CHD9: variants seen among roughly 807,000 people sequenced by gnomAD.
CHD9 encodes chromodomain helicase DNA binding protein 9.
CHD9 carries 77 observed loss-of-function variants against 316.1 expected under a neutral mutation model. The observed-to-expected ratio is 0.24, with a 90% CI of 0.20 to 0.29. The LOEUF (loss-of-function observed/expected upper bound fraction) is 0.29, where lower values mean the gene tolerates loss of function less well. Ranked by LOEUF, CHD9 falls within the 10% of genes least tolerant of loss-of-function variation. CHD9 has a pLI of 1.00. For synonymous variants in CHD9, 1,129 were observed against 1,158.3 expected (o/e 0.97, Z 0.51); for missense variants, 2,763 against 3,438.1 (o/e 0.80, Z 4.91).
intron 19 of CHD9, among the ~76,000 whole-genome samples, chr16:53,261,826 A>G (rs1296107887): frequency 1.3e-5 from 2 of 152,214 alleles, no homozygotes; most frequent in Non-Finnish European, 2.9e-5. Context: ...ATGTTTCCAT[A>G]TGTATCATTA....
In CHD9 at chr16:53,296,993, G is replaced by A. The variant is rs997572252; in HGVS notation, c.5548G>A (p.Val1850Ile). 3.1e-6 allele frequency: 5 copies of A among 1,612,500 alleles called. No homozygotes were observed. Among genetic ancestry groups the A allele is most frequent in the African/African-American group, 1.3e-5 (1 of 74,818 alleles). Residue 1850 changes from valine (V) to isoleucine (I), a missense_variant, in exon 30 of 39, where the codon GTA (valine) becomes ATA (isoleucine). By Grantham distance (29) the Val-to-Ile change is conservative (BLOSUM62 3). This residue lies in a region of CHD9 where 183 missense variants were observed against 258.5 expected (regional missense o/e 0.71). Transcript: ENST00000447540. ...AGAAGAAGCTGACTTTTATAGGGTT[G>A]TATCTACATTTGGAGTGGTTTTTGA... ...RREEADFYRV[V>I]STFGVVFDPD...
rs569078312 is a variant in CHD9, at chr16:53,082,560, C to T, written c.-165+27483C>T. 5.4e-4 allele frequency among the ~76,000 whole-genome samples: 82 copies of T among 152,196 alleles called. 1 individual carries two copies. Among genetic ancestry groups the T allele is most frequent in the East Asian group, 9.7e-4 (5 of 5,168 alleles). On this transcript the variant is annotated intron_variant, in intron 1 of 38. Coordinates refer to ENST00000447540, the MANE Select transcript of CHD9 (RefSeq NM_001308319.2). ...CCAGCCTATTTTAAATGCTTTTAAC[C>T]GATTGGTTTAAATTTGAGAACAAAG...
chr16:53,130,377 C>T (rs2039169071), intron 1 of CHD9, among the ~76,000 whole-genome samples: 1 of 152,178 alleles, frequency 6.6e-6, no homozygotes, highest in South Asian at 2.1e-4. Flanking sequence ...ACCCGAGCTG[C>T]CCGAGAGATG....
At chr16:53,065,638 TAA>T (rs68025976) in intron 1 of CHD9, among the ~76,000 whole-genome samples, 33 of 103,384 alleles carry the variant, frequency 3.2e-4, no homozygotes, top group Admixed American at 5.6e-4. Context: ...TGTCTTAAAT[TAA>T]AAAAAAAAAA....
intron 3 of CHD9, among the ~76,000 whole-genome samples, chr16:53,218,618 A>G (rs1027083923): frequency 2.6e-5 from 4 of 152,210 alleles, no homozygotes; most frequent in Admixed American, 2.0e-4. Context: ...AAAAATTTAA[A>G]TATCTCCGCC....
intron 1 of CHD9, among the ~76,000 whole-genome samples, chr16:53,120,078 A>T (rs1306445274): frequency 1.3e-5 from 2 of 150,706 alleles, no homozygotes; most frequent in African/African-American, 4.9e-5. Flanking sequence ...AAAAAAAATT[A>T]AAAAATTAGC....
intron 37 of CHD9, among the ~76,000 whole-genome samples, chr16:53,320,453 C>T (rs1286340722): frequency 3.3e-5 from 5 of 152,096 alleles, no homozygotes; most frequent in Admixed American, 2.6e-4. Context: ...ACTTGAAAGT[C>T]GGAAGTTGCA....
rs1567374423 is a variant in CHD9, at chr16:53,146,438, A to ATATATATATATATATATATATATAT, written c.-164-9487_-164-9486insATATATATATATATATATATATATT. ...GTGTATGTATATATATATATATATA[A>ATATATATATATATATATATATATAT]TTAAAAAGTTCCAGAGATTGGTGCA... On this transcript the variant is annotated intron_variant, in intron 1 of 38. Coordinates refer to ENST00000447540, the MANE Select transcript of CHD9 (RefSeq NM_001308319.2). Among the ~76,000 whole-genome samples the ATATATATATATATATATATATATAT allele has an allele frequency of 1.9e-3, 88 of 46,352 alleles. 4 individuals are homozygous for ATATATATATATATATATATATATAT. The highest frequency in any genetic ancestry group is 7.5e-3 in the African/African-American group (82 of 10,868). The allele number at this position is 46,352 out of a possible 152,430, so 30.4% of individuals were successfully genotyped here.
chr16:53,121,156 T>C, intron 1 of CHD9: 2 of 303,940 alleles, frequency 6.6e-6, no homozygotes, highest in South Asian at 3.0e-5. Context: ...CAGAGGACCA[T>C]ATCTATCTTG....
intron 2 of CHD9, among the ~76,000 whole-genome samples, chr16:53,201,835 T>C (rs1034082690): frequency 6.6e-6 from 1 of 151,332 alleles, no homozygotes; most frequent in Non-Finnish European, 1.5e-5. Context: ...TTTGGGGGGA[T>C]CAGTTTGAGG....
At chr16:53,318,934 A>G (rs977576962) in intron 37 of CHD9, among the ~76,000 whole-genome samples, 1 of 152,350 alleles carries the variant, frequency 6.6e-6, no homozygotes, top group East Asian at 1.9e-4. Context: ...TCATCATATT[A>G]CATAATTTCT....
chr16:53,088,835 C>T (rs547258059), intron 1 of CHD9, among the ~76,000 whole-genome samples: 17 of 151,528 alleles, frequency 1.1e-4, no homozygotes, highest in African/African-American at 2.7e-4. Flanking sequence ...TTAGCTCAGC[C>T]GGGCGTGGTG....
chr16:53,185,670 C>A (rs1286787948), intron 2 of CHD9, among the ~76,000 whole-genome samples: 1 of 152,186 alleles, frequency 6.6e-6, no homozygotes, highest in African/African-American at 2.4e-5. Flanking sequence ...ACCCAGAGAA[C>A]TAGGAGGGAA....
In CHD9 at chr16:53,156,357, G is replaced by C. The variant is rs773054321; in HGVS notation, c.268G>C (p.Ala90Pro). The C allele has an allele frequency of 1.9e-6, 3 of 1,613,980 alleles. No homozygotes were observed. Among genetic ancestry groups the C allele is most frequent in the Non-Finnish European group, 2.5e-6 (3 of 1,179,874 alleles). ...TGTTAATCAATCTTTTGGTAGCCCA[G>C]CTGAACATGTGTTATCTCCACACTC... The part of the protein sequence containing the change: ...HHVNQSFGSP[A>P]EHVLSPHSQF... The change falls in exon 2 of 39, where the codon GCT becomes CCT. Residue 90 changes from alanine to proline, a missense_variant. Physicochemically the swap from Ala to Pro is conservative, Grantham distance 27. This residue lies in a region of CHD9 where 859 missense variants were observed against 890.4 expected (regional missense o/e 0.96). Transcript: ENST00000447540.
intron 2 of CHD9, among the ~76,000 whole-genome samples, chr16:53,162,422 T>G (rs1405842353): frequency 3.3e-5 from 5 of 152,214 alleles, no homozygotes; most frequent in Non-Finnish European, 7.4e-5. Context: ...TTTATTGCTC[T>G]CATAACAAAT....
chr16:53,077,824 A>G (rs893330366), intron 1 of CHD9, among the ~76,000 whole-genome samples: 6 of 152,152 alleles, frequency 3.9e-5, no homozygotes, highest in Admixed American at 3.9e-4. Flanking sequence ...CTGTAATTCT[A>G]ACACTTTGGG....
chr16:53,275,500 G>A (rs1008460864), intron 24 of CHD9, among the ~76,000 whole-genome samples: 33 of 152,242 alleles, frequency 2.2e-4, no homozygotes, highest in Admixed American at 1.8e-3. Flanking sequence ...AAACTATACC[G>A]CAATGTAATA....
At chr16:53,274,431 C>T in intron 24 of CHD9, 129 bp downstream of exon 24, 1 of 489,102 alleles carries the variant, frequency 2.0e-6, no homozygotes, top group Non-Finnish European at 3.6e-6. Flanking sequence ...CACCACCACA[C>T]CTGGCTTAAA....
chr16:53,065,859 A>G (rs1292906157), intron 1 of CHD9, among the ~76,000 whole-genome samples: 1 of 151,680 alleles, frequency 6.6e-6, no homozygotes, highest in African/African-American at 2.4e-5. Context: ...TGTTAATGCA[A>G]TTGGCTCGCT....
Sources: allele counts gnomAD v4.1 joint callset (sites outside exome capture counted in the v4.1 genomes callset), GRCh38; gene constraint gnomAD v4.1.1; regional missense constraint gnomAD v4.1.1; transcripts MANE v1.5; gene names NCBI Gene and HGNC (gene_info 2026-07-23, HGNC 2026-07-21).